Variants in SLC1A3 observed in about 807,000 individuals in gnomAD.
SLC1A3 encodes the protein solute carrier family 1 member 3.
In SLC1A3, 21 loss-of-function variants were observed where a neutral mutation model predicts 48.1. The ratio of observed to expected loss-of-function variants is 0.44; its 90% CI spans 0.31 to 0.63. The LOEUF (loss-of-function observed/expected upper bound fraction) is 0.63. Among genes scored for constraint, SLC1A3 ranks in the 20% least tolerant of loss-of-function variants. SLC1A3 has a pLI of 0.08. For synonymous variants in SLC1A3, 239 were observed against 251.4 expected, an observed-to-expected ratio of 0.95 and a Z score of 0.47; for missense variants, 546 against 689.0, an observed-to-expected ratio of 0.79 and a Z score of 2.32.
intron 2 of SLC1A3, among the ~76,000 whole-genome samples, chr5:36,615,131 T>A (rs1159076846): frequency 6.6e-6 from 1 of 152,210 alleles, no homozygotes; most frequent in Non-Finnish European, 1.5e-5. Context: ...CTGATTTGTA[T>A]CTGCAAATGT....
chr5:36,609,055 G>A (rs1179946015), intron 2 of SLC1A3: 1 of 992,352 alleles, frequency 1.0e-6, no homozygotes, highest in Non-Finnish European at 1.2e-6. Context: ...ACTTGAAGCT[G>A]AGTATCAACG....
At chr5:36,615,931 C>T (rs567074132) in intron 2 of SLC1A3, among the ~76,000 whole-genome samples, 1 of 152,352 alleles carries the variant, frequency 6.6e-6, no homozygotes, top group East Asian at 1.9e-4. Context: ...CGTGCAGTGG[C>T]TCACGCCTGT....
intron 2 of SLC1A3, among the ~76,000 whole-genome samples, chr5:36,622,396 G>A (rs767915139): frequency 1.3e-5 from 2 of 152,156 alleles, no homozygotes; most frequent in South Asian, 2.1e-4. Flanking sequence ...GACAAAGTTC[G>A]CAGATAGAGG....
chr5:36,633,549 C>T (rs926176850), intron 3 of SLC1A3, among the ~76,000 whole-genome samples: 5 of 152,166 alleles, frequency 3.3e-5, no homozygotes, highest in African/African-American at 1.2e-4. Context: ...GATACATGAA[C>T]ACAAAGATAC....
At chr5:36,640,001 G>A (rs1740549911) in intron 3 of SLC1A3, among the ~76,000 whole-genome samples, 1 of 152,134 alleles carries the variant, frequency 6.6e-6, no homozygotes, top group Admixed American at 6.5e-5. Flanking sequence ...GTTTCTGCTA[G>A]CAGAAATAGA....
chr5:36,679,893 A>G (rs1202839496), intron 7 of SLC1A3, 33 bp downstream of exon 7: 1 of 1,500,006 alleles, frequency 6.7e-7, no homozygotes, highest in Non-Finnish European at 9.3e-7. Context: ...TGAGTCTGAA[A>G]TGTTACCTTG....
At chr5:36,607,612 A>G (rs1022102216) in intron 1 of SLC1A3, among the ~76,000 whole-genome samples, 5 of 152,222 alleles carry the variant, frequency 3.3e-5, no homozygotes, top group Non-Finnish European at 7.3e-5. Flanking sequence ...GAAAAACACT[A>G]CTTCATACTT....
At chr5:36,613,974 C>T (rs1364890903) in intron 2 of SLC1A3, among the ~76,000 whole-genome samples, 1 of 152,190 alleles carries the variant, frequency 6.6e-6, no homozygotes, top group Non-Finnish European at 1.5e-5. Context: ...CCACCTTCTC[C>T]AAAAGCACTC....
intron 3 of SLC1A3, among the ~76,000 whole-genome samples, chr5:36,647,494 T>C (rs1210358532): frequency 1.3e-5 from 2 of 152,184 alleles, no homozygotes; most frequent in Non-Finnish European, 2.9e-5. Flanking sequence ...AGAAGAATAT[T>C]TCCTTTGGCA....
At chr5:36,602,299 C>T (rs1323738010), upstream of SLC1A3, among the ~76,000 whole-genome samples, 1 of 152,208 alleles carries the variant, frequency 6.6e-6, no homozygotes, top group African/African-American at 2.4e-5. Context: ...TCAATCCCTA[C>T]TGATCTCCAA....
At chr5:36,675,326 C>T (rs989791964) in intron 5 of SLC1A3, among the ~76,000 whole-genome samples, 3 of 152,084 alleles carry the variant, frequency 2.0e-5, no homozygotes, top group Admixed American at 2.0e-4. Flanking sequence ...AAATAATAAG[C>T]GCCTTTCAAT....
intron 2 of SLC1A3, among the ~76,000 whole-genome samples, chr5:36,618,503 A>C (rs1236154555): frequency 6.6e-6 from 1 of 152,178 alleles, no homozygotes. Flanking sequence ...CTGTCCACAA[A>C]TAATTCCCCA....
intron 2 of SLC1A3, among the ~76,000 whole-genome samples, chr5:36,623,539 G>C (rs984162119): frequency 6.6e-6 from 1 of 151,928 alleles, no homozygotes; most frequent in Non-Finnish European, 1.5e-5. Flanking sequence ...TTTTGCAAAG[G>C]GTGAGCTGCT....
chr5:36,614,389 C>T (rs1034314592), intron 2 of SLC1A3, among the ~76,000 whole-genome samples: 2 of 152,132 alleles, frequency 1.3e-5, no homozygotes, highest in African/African-American at 4.8e-5. Context: ...TTAGAAGTGG[C>T]TTCTATTTCC....
chr5:36,658,398 G>A (rs1329830159), intron 3 of SLC1A3, among the ~76,000 whole-genome samples: 1 of 152,150 alleles, frequency 6.6e-6, no homozygotes, highest in East Asian at 1.9e-4. Context: ...CTGGTAGGCA[G>A]TGGGAGGCAT....
intron 2 of SLC1A3, among the ~76,000 whole-genome samples, chr5:36,611,932 A>G (rs935045641): frequency 2.6e-5 from 4 of 152,230 alleles, no homozygotes; most frequent in Non-Finnish European, 5.9e-5. Context: ...ATATAAAGAA[A>G]TGGGTCATAA....
In SLC1A3 at chr5:36,679,517, G is replaced by A. The variant is rs1042097961; in HGVS notation, c.861-110G>A. On this transcript the variant is annotated intron_variant, in intron 6 of 9. Transcript: ENST00000265113. ...TAAGTCCTAATGGTATCCTGGGCAG[G>A]AAAGTTTGGCAGTCAACTCTCTTTT... The A allele has an allele frequency of 1.2e-5, 10 of 805,524 alleles. No individual in the cohort carries two copies. In the African/African-American group the frequency reaches 1.5e-4, roughly 12 times the overall value. 49.9% of individuals were successfully genotyped at this position (805,524 alleles called of 1,614,324 possible). A position where few individuals can be genotyped will look rare whatever the true frequency, so the allele number is the denominator to read the frequency against.
In SLC1A3 at chr5:36,677,068, C is replaced by T. The variant is rs1742240823; in HGVS notation, c.744C>T (p.Val248=). 1 of 1,614,028 alleles carries T rather than the reference C, an allele frequency of 6.2e-7. No homozygotes were observed. The highest frequency in any genetic ancestry group is 1.3e-5 in the African/African-American group (1 of 74,910). The part of the protein sequence containing the change: ...VNGVNALGLV[V]FSMCFGFVIG... ...GAGTCAATGCCCTGGGTCTAGTTGT[C>T]TTCTCCATGTGCTTCGGTTTTGTGA... Residue 248 remains valine (V), a synonymous_variant, in exon 6 of 10, where the codon GTC becomes GTT. Coordinates refer to ENST00000265113, the MANE Select transcript of SLC1A3 (RefSeq NM_004172.5).
chr5:36,680,006 C>A, intron 7 of SLC1A3, 146 bp downstream of exon 7: 1 of 703,026 alleles, frequency 1.4e-6, no homozygotes, highest in South Asian at 1.6e-5. Context: ...GTCAATCACA[C>A]CTGTTTGGGA....
Sources: gnomAD v4.1 joint callset for allele counts (sites outside exome capture counted in the v4.1 genomes callset) on GRCh38, gnomAD v4.1.1 for gene constraint, MANE v1.5 for transcripts, NCBI Gene and HGNC (gene_info 2026-07-23, HGNC 2026-07-21) for gene names.